Variants in QSER1 observed in about 807,000 individuals in gnomAD.
QSER1 encodes the protein glutamine and serine rich 1, also known as glutamine and serine-rich protein 1.
A neutral mutation model predicts 158.5 loss-of-function variants in QSER1; 49 were observed. The observed-to-expected ratio is 0.31, with a 90% CI of 0.25 to 0.39. The LOEUF (loss-of-function observed/expected upper bound fraction) is 0.39, where lower values mean the gene tolerates loss of function less well. Among genes scored for constraint, QSER1 ranks in the 10% least tolerant of loss-of-function variants. The probability of loss-of-function intolerance (pLI) is 1.00; values close to 1 mark genes in which losing one functional copy is unlikely to be tolerated. For missense variants in QSER1, 1,754 were observed against 2,010.3 expected, an observed-to-expected ratio of 0.87 and a Z score of 2.44; for synonymous variants, 650 against 715.5, an observed-to-expected ratio of 0.91 and a Z score of 1.46.
chr11:32,896,573 G>A (rs888136679), intron 1 of QSER1, among the ~76,000 whole-genome samples: 2 of 152,106 alleles, frequency 1.3e-5, no homozygotes, highest in African/African-American at 2.4e-5. Flanking sequence ...ATTTTTAGTA[G>A]AGATGGGGTT....
chr11:32,934,202 G>T lies in QSER1; in HGVS notation c.2944G>T (p.Asp982Tyr). 1 of 1,613,932 alleles carries T rather than the reference G, an allele frequency of 6.2e-7. No homozygotes were observed. Among genetic ancestry groups the T allele is most frequent in the Non-Finnish European group, 8.5e-7 (1 of 1,179,964 alleles). ...DERNILSNVD[D>Y]ILAATAAACG... is the part of the protein sequence containing the mutation. Reference sequence around the variant, plus strand: ...AAGAAATATTTTATCAAATGTAGATGATATCTTAGCAGCTACAGCAGCAGC... The same window carrying T: ...AAGAAATATTTTATCAAATGTAGATTATATCTTAGCAGCTACAGCAGCAGC... The change falls in exon 4 of 13, where the codon GAT becomes TAT. Residue 982 changes from aspartate to tyrosine, a missense_variant. Physicochemically the swap from Asp to Tyr is radical, Grantham distance 160 (BLOSUM62 -3). Around this residue, in one of 2 missense-constraint regions of QSER1, gnomAD observed 1,707 missense variants for 1,919.6 expected, o/e 0.89. Coordinates refer to ENST00000650167, the MANE Select transcript of QSER1 (RefSeq NM_001076786.3).
chr11:32,935,064 A>C lies in QSER1; in HGVS notation c.3806A>C (p.Glu1269Ala), dbSNP rs769426218. 1.9e-6 allele frequency: 3 copies of C among 1,613,988 alleles called. No individual in the cohort carries two copies. The highest frequency in any genetic ancestry group is 1.3e-5 in the African/African-American group (1 of 74,934). Reference protein sequence around the residue: ...KMRQKIKEVEEKQPEVKTGFI... With the variant: ...KMRQKIKEVEAKQPEVKTGFI... ...AGACAGAAGATCAAAGAGGTGGAGG[A>C]AAAACAACCAGAAGTCAAAACAGGA... Residue 1269 changes from glutamate to alanine, a missense_variant, in exon 4 of 13, where the codon GAA becomes GCA. Glu to Ala is a moderately radical substitution (Grantham distance 107). This residue lies in a region of QSER1 where 1,707 missense variants were observed against 1,919.6 expected (regional missense o/e 0.89). Coordinates refer to ENST00000650167, the MANE Select transcript of QSER1 (RefSeq NM_001076786.3).
chr11:32,906,411 A>G (rs1482221306), intron 1 of QSER1, among the ~76,000 whole-genome samples: 1 of 152,136 alleles, frequency 6.6e-6, no homozygotes, highest in Non-Finnish European at 1.5e-5. Context: ...CAACAAGAGC[A>G]AAACTCCGTT....
At chr11:32,897,053 A>G (rs556737844) in intron 1 of QSER1, among the ~76,000 whole-genome samples, 14 of 152,354 alleles carry the variant, frequency 9.2e-5, no homozygotes, top group Admixed American at 5.2e-4. Flanking sequence ...TTACATCACT[A>G]GCAACTAATT....
intron 4 of QSER1, among the ~76,000 whole-genome samples, chr11:32,940,607 TCTAA>T (rs572210785): frequency 2.6e-5 from 4 of 152,300 alleles, no homozygotes; most frequent in South Asian, 4.1e-4. Context: ...TAAGAATAGA[TCTAA>T]CTAACTGTCT....
intron 1 of QSER1, among the ~76,000 whole-genome samples, chr11:32,896,210 G>A (rs919239307): frequency 2.6e-5 from 4 of 152,130 alleles, no homozygotes; most frequent in African/African-American, 4.8e-5. Context: ...ATCCATTGCC[G>A]CATTCTGTAC....
chr11:32,962,819 C>G (rs1369105497), intron 8 of QSER1, among the ~76,000 whole-genome samples: 1 of 152,160 alleles, frequency 6.6e-6, no homozygotes, highest in Non-Finnish European at 1.5e-5. Context: ...CAACAAATAC[C>G]ATCAGTTGTT....
chr11:32,912,762 A>T (rs961299898), intron 1 of QSER1, among the ~76,000 whole-genome samples: 1 of 151,964 alleles, frequency 6.6e-6, no homozygotes, highest in African/African-American at 2.4e-5. Context: ...ATATTTAAAA[A>T]ACTGGCCAGA....
intron 1 of QSER1, among the ~76,000 whole-genome samples, chr11:32,901,859 T>TG (rs1851629907): frequency 6.6e-6 from 1 of 152,164 alleles, no homozygotes; most frequent in African/African-American, 2.4e-5. Flanking sequence ...TGAGATGGGC[T>TG]GATGGCTTGA....
At chr11:32,944,586 C>G (rs1325678725) in intron 4 of QSER1, among the ~76,000 whole-genome samples, 2 of 151,374 alleles carry the variant, frequency 1.3e-5, no homozygotes, top group East Asian at 1.9e-4. Context: ...TTTGATTGCA[C>G]TGTGGTCTGA....
Position 32,980,198 on chromosome 11 carries a change from A to G in QSER1, c.*3724A>G, listed in dbSNP as rs1853046695. 1 of 152,664 alleles carries G rather than the reference A, an allele frequency of 6.6e-6. No homozygotes were observed. Among genetic ancestry groups the G allele is most frequent in the East Asian group, 1.9e-4 (1 of 5,204 alleles). 9.5% of individuals were successfully genotyped at this position (152,664 alleles called of 1,614,324 possible). A position where few individuals can be genotyped will look rare whatever the true frequency, so the allele number is the denominator to read the frequency against. ...CATAACACAATGTATGGAAATGTGA[A>G]AGACAATTTTGTACATTTGTTTGTT... On this transcript the variant is annotated 3_prime_UTR_variant, in exon 13 of 13. Transcript: ENST00000650167.
intron 1 of QSER1, among the ~76,000 whole-genome samples, chr11:32,898,358 C>T (rs1004556869): frequency 4.0e-5 from 6 of 151,734 alleles, no homozygotes; most frequent in Non-Finnish European, 7.4e-5. Context: ...TGGTGGCGTG[C>T]GCCTGTGGTC....
At chr11:32,946,249 T>C (rs1280059827) in intron 4 of QSER1, among the ~76,000 whole-genome samples, 1 of 152,254 alleles carries the variant, frequency 6.6e-6, no homozygotes, top group Non-Finnish European at 1.5e-5. Flanking sequence ...TCAAAGTCAT[T>C]CTCTGTCCAG....
chr11:32,953,982 C>A lies in QSER1; in HGVS notation c.4303C>A (p.Leu1435Met). The change falls in exon 5 of 13, where the codon CTG (leucine) becomes ATG (methionine). Residue 1435 changes from leucine (L) to methionine (M), a missense_variant. Transcript: ENST00000650167. ...LHSTSYAVNI[L>M]ENISSSESSK... ...CTCTACTTCATATGCAGTAAATATTCTGGAAAATATAAGCTCTTCAGAATC... is the reference window on the plus strand; with the variant it reads ...CTCTACTTCATATGCAGTAAATATTATGGAAAATATAAGCTCTTCAGAATC... 1 of 1,614,070 alleles carries A rather than the reference C, an allele frequency of 6.2e-7. No homozygotes were observed. The highest frequency in any genetic ancestry group is 8.5e-7 in the Non-Finnish European group (1 of 1,179,996).
In QSER1 at chr11:32,928,033, T is replaced by C. The variant is rs1391194459; in HGVS notation, c.394T>C (p.Phe132Leu). The part of the protein sequence containing the change: ...SNTKESSVMN[F>L]LSTAESRTAQ... ...CACTAAAGAGTCTTCAGTGATGAATTTTCTGTCTACTGCTGAATCCCGAAC... is the reference window on the plus strand; with the variant it reads ...CACTAAAGAGTCTTCAGTGATGAATCTTCTGTCTACTGCTGAATCCCGAAC... Residue 132 changes from phenylalanine (F) to leucine (L), a missense_variant, in exon 3 of 13, where the codon TTT becomes CTT. Phe to Leu is a conservative substitution (Grantham distance 22, BLOSUM62 0). Around this residue, in one of 2 missense-constraint regions of QSER1, gnomAD observed 1,707 missense variants for 1,919.6 expected, o/e 0.89. Coordinates refer to ENST00000650167, the MANE Select transcript of QSER1 (RefSeq NM_001076786.3). The C allele has an allele frequency of 6.2e-7, 1 of 1,610,834 alleles. No individual in the cohort carries two copies. Among genetic ancestry groups the C allele is most frequent in the Admixed American group, 1.7e-5 (1 of 59,912 alleles).
At chr11:32,898,348 T>C (rs570040197) in intron 1 of QSER1, among the ~76,000 whole-genome samples, 8 of 152,194 alleles carry the variant, frequency 5.3e-5, no homozygotes, top group African/African-American at 1.9e-4. Context: ...TAGCCGTGCA[T>C]GGTGGCGTGC....
rs1180423218 is a variant in QSER1 at position 32,978,708 on chromosome 11, G to A, written c.*2234G>A. On this transcript the variant is annotated 3_prime_UTR_variant, in exon 13 of 13. Coordinates refer to ENST00000650167, the MANE Select transcript of QSER1 (RefSeq NM_001076786.3). ...TACAACAAAGGTTTTCATAATATGG[G>A]AGGCCAAGTCTATGATACTGCCTCA... 1 of 152,160 alleles carries A rather than the reference G, an allele frequency of 6.6e-6. No individual in the cohort carries two copies. The highest frequency in any genetic ancestry group is 6.5e-5 in the Admixed American group (1 of 15,276). The allele number at this position is 152,160 out of a possible 1,614,324, so 9.4% of individuals were successfully genotyped here.
chr11:32,914,111 C>T (rs1325135968), intron 1 of QSER1, among the ~76,000 whole-genome samples: 1 of 152,174 alleles, frequency 6.6e-6, no homozygotes, highest in African/African-American at 2.4e-5. Flanking sequence ...TAGAGTTCCA[C>T]ACAGATTTAA....
At chr11:32,904,643 C>A (rs1342148186) in intron 1 of QSER1, among the ~76,000 whole-genome samples, 1 of 133,998 alleles carries the variant, frequency 7.5e-6, no homozygotes, top group Non-Finnish European at 1.6e-5. Flanking sequence ...TTCTCTTTTA[C>A]CTTTGAGTGA....
Sources: allele counts gnomAD v4.1 joint callset (sites outside exome capture counted in the v4.1 genomes callset), GRCh38; gene constraint gnomAD v4.1.1; regional missense constraint gnomAD v4.1.1; transcripts MANE v1.5; gene names NCBI Gene and HGNC (gene_info 2026-07-23, HGNC 2026-07-21).